GLIS3: variants seen among roughly 807,000 people sequenced by gnomAD.
The protein encoded by GLIS3 is zinc finger protein GLIS3.
A neutral mutation model predicts 78.6 loss-of-function variants in GLIS3; 53 were observed. That is an observed-to-expected ratio of 0.67 (90% CI 0.54 to 0.85). The LOEUF (loss-of-function observed/expected upper bound fraction) is 0.85, where lower values mean the gene tolerates loss of function less well. Ranked by LOEUF, GLIS3 falls within the 40% of genes least tolerant of loss-of-function variation. GLIS3 has a pLI of 0.00. For missense variants in GLIS3, 1,703 were observed against 1,231.1 expected, an observed-to-expected ratio of 1.38 and a Z score of -5.74; for synonymous variants, 684 against 509.9, an observed-to-expected ratio of 1.34 and a Z score of -4.60.
At chr9:4,465,046 C>T in the GLIS3 span, among the ~76,000 whole-genome samples, 21 of 152,342 alleles carry the variant, frequency 1.4e-4, no homozygotes, top group Non-Finnish European at 2.6e-4. Flanking sequence ...CACATTTCTT[C>T]AGAAACTCTG....
intron 9 of GLIS3, among the ~76,000 whole-genome samples, chr9:3,855,082 T>G (rs190045241): frequency 6.6e-6 from 1 of 152,340 alleles, no homozygotes; most frequent in African/African-American, 2.4e-5. Context: ...TCTCTTCTGC[T>G]TATACAGATC....
chr9:4,318,596 G>C (rs1817474216), intron 2 of GLIS3, among the ~76,000 whole-genome samples: 1 of 152,116 alleles, frequency 6.6e-6, no homozygotes, highest in East Asian at 1.9e-4. Context: ...AACATTGGCA[G>C]CAAAAAGAGT....
chr9:4,321,291 G>A (rs377627327), intron 2 of GLIS3, among the ~76,000 whole-genome samples: 2,361 of 99,754 alleles, frequency 0.024, 380 homozygotes, highest in East Asian at 0.082. Context: ...GAGTGGTGGC[G>A]GGCGCCTGTA....
At chr9:3,997,729 T>C (rs1018801877) in intron 4 of GLIS3, among the ~76,000 whole-genome samples, 1 of 152,076 alleles carries the variant, frequency 6.6e-6, no homozygotes, top group Non-Finnish European at 1.5e-5. Context: ...GTTAAAAATA[T>C]GTAGCAAACA....
chr9:4,384,839 A>G, the GLIS3 span, among the ~76,000 whole-genome samples: 4 of 152,078 alleles, frequency 2.6e-5, no homozygotes, highest in Non-Finnish European at 2.9e-5. Context: ...CATCCAAAAC[A>G]TATCAGATAG....
At chr9:4,392,638 C>A in the GLIS3 span, among the ~76,000 whole-genome samples, 1 of 152,060 alleles carries the variant, frequency 6.6e-6, no homozygotes, top group Non-Finnish European at 1.5e-5. Flanking sequence ...TTTTTTCTCC[C>A]AAATTACCTC....
At chr9:4,475,848 TAGA>T in the GLIS3 span, among the ~76,000 whole-genome samples, 5 of 152,188 alleles carry the variant, frequency 3.3e-5, no homozygotes, top group Non-Finnish European at 7.3e-5. Context: ...GAGAGGGTAG[TAGA>T]AGAAGAGAGT....
rs117825094 is a variant in GLIS3, at chr9:4,075,039, T to C, written c.1710+42729A>G. On this transcript the variant is annotated intron_variant, in intron 4 of 10. Transcript: ENST00000381971. ...GTACTCACCAAATAAGTAGCTACCA[T>C]AGGAAGAAAATTCATTCAGTGATGG... is the stretch of plus-strand genomic sequence containing the variant. Among the ~76,000 whole-genome samples, 1,471 of 150,512 alleles carry C rather than the reference T, an allele frequency of 9.8e-3. 17 individuals carry two copies. Among genetic ancestry groups the C allele is most frequent in the Non-Finnish European group, 0.014 (966 of 67,842 alleles).
At chr9:4,124,537 G>C (rs534348427) in intron 3 of GLIS3, among the ~76,000 whole-genome samples, 11 of 152,320 alleles carry the variant, frequency 7.2e-5, no homozygotes, top group Non-Finnish European at 1.5e-4. Context: ...CAGCAAGTCT[G>C]AGAAGTCCCT....
rs1376517081 is a variant in GLIS3, at chr9:3,977,033, A to G, written c.1711-39844T>C. Reference sequence around the variant, plus strand: ...AAAAAAATTAGCTAAAATTTCAGATAACGCAGCCTTCTGTCATGTTCTCCT... The same window carrying G: ...AAAAAAATTAGCTAAAATTTCAGATGACGCAGCCTTCTGTCATGTTCTCCT... On this transcript the variant is annotated intron_variant, in intron 4 of 10. Transcript: ENST00000381971. This position sits in a 1 kb window ranked among gnomAD's most constrained non-coding sequence, Gnocchi z 4.1. 6.6e-6 allele frequency among the ~76,000 whole-genome samples: 1 copy of G among 152,066 alleles called. No individual in the cohort carries two copies. Among genetic ancestry groups the G allele is most frequent in the East Asian group, 1.9e-4 (1 of 5,188 alleles).
chr9:4,444,421 T>C, the GLIS3 span, among the ~76,000 whole-genome samples: 1 of 152,228 alleles, frequency 6.6e-6, no homozygotes, highest in Admixed American at 6.5e-5. Context: ...AGCTCAACTA[T>C]CTTTCAGTAC....
intron 1 of GLIS3, among the ~76,000 whole-genome samples, chr9:4,288,157 C>A (rs1233797669): frequency 1.3e-5 from 2 of 152,134 alleles, no homozygotes; most frequent in African/African-American, 4.8e-5. Flanking sequence ...TGTGTGTCAC[C>A]AGCCAGTCTG....
chr9:4,106,554 G>A (rs1830766664), intron 4 of GLIS3, among the ~76,000 whole-genome samples: 1 of 151,938 alleles, frequency 6.6e-6, no homozygotes, highest in Admixed American at 6.5e-5. Context: ...ATATATTTAT[G>A]GAAATGGACC....
chr9:4,331,700 C>G (rs79324777), intron 2 of GLIS3, among the ~76,000 whole-genome samples: 1 of 152,170 alleles, frequency 6.6e-6, no homozygotes, highest in African/African-American at 2.4e-5. Flanking sequence ...AAGGCAGGCA[C>G]TGGTCACAGA....
At chr9:3,946,784 C>T (rs1179827365) in intron 4 of GLIS3, among the ~76,000 whole-genome samples, 3 of 152,166 alleles carry the variant, frequency 2.0e-5, no homozygotes, top group South Asian at 4.1e-4. Context: ...TAAATGTGTG[C>T]CTTCTCATAC....
At chr9:4,038,048 T>G (rs901197565) in intron 4 of GLIS3, among the ~76,000 whole-genome samples, 3 of 152,162 alleles carry the variant, frequency 2.0e-5, no homozygotes, top group Non-Finnish European at 2.9e-5. Context: ...TTTATTTAAG[T>G]GGAACTTTAA....
chr9:4,053,703 C>CAAAAAAAAAAAAAAA (rs1401904227), intron 4 of GLIS3, among the ~76,000 whole-genome samples: 2 of 26,586 alleles, frequency 7.5e-5, no homozygotes, highest in East Asian at 4.0e-3. Flanking sequence ...TTTCTTTCTT[C>CAAAAAAAAAAAAAAA]ATAAAAAAAA....
At chr9:4,457,203 A>C in the GLIS3 span, among the ~76,000 whole-genome samples, 18 of 152,108 alleles carry the variant, frequency 1.2e-4, no homozygotes, top group African/African-American at 4.1e-4. Context: ...TCTCTATAAA[A>C]ATAAAAAATT....
At chr9:4,239,157 T>C (rs1587099945) in intron 2 of GLIS3, among the ~76,000 whole-genome samples, 1 of 114,956 alleles carries the variant, frequency 8.7e-6, no homozygotes, top group East Asian at 2.7e-4. Context: ...TACATGTGCA[T>C]GCACTGTTGT....
Sources: allele counts gnomAD v4.1 joint callset (sites outside exome capture counted in the v4.1 genomes callset), GRCh38; gene constraint gnomAD v4.1.1; non-coding constraint Gnocchi (gnomAD v3.1); transcripts MANE v1.5; gene names NCBI Gene and HGNC (gene_info 2026-07-23, HGNC 2026-07-21).